Variants in ARSF observed in about 807,000 individuals in gnomAD.
ARSF encodes the protein arylsulfatase F.
Under a neutral mutation model 35.4 loss-of-function variants are expected in ARSF, and 33 were observed. The ratio of observed to expected loss-of-function variants is 0.93; its 90% CI spans 0.71 to 1.25. The LOEUF (loss-of-function observed/expected upper bound fraction) is 1.25. Among genes scored for constraint, ARSF ranks in the 50% most tolerant of loss-of-function variants. The probability of loss-of-function intolerance (pLI) is 0.00; values close to 1 mark genes in which losing one functional copy is unlikely to be tolerated. For missense variants in ARSF, 501 were observed against 480.2 expected, an observed-to-expected ratio of 1.04 and a Z score of -0.40; for synonymous variants, 222 against 193.1, an observed-to-expected ratio of 1.15 and a Z score of -1.24.
intron 6 of ARSF, 114 bp downstream of exon 6, chrX:3,084,780 A>G (rs1765958973): frequency 1.3e-6 from 1 of 752,142 alleles, no homozygotes; most frequent in African/African-American, 2.1e-5. Context: ...TACACTTCTA[A>G]ATAGCTAAAA....
intron 10 of ARSF, among the ~76,000 whole-genome samples, chrX:3,110,903 AAAAC>A (rs1397902685): frequency 8.9e-6 from 1 of 112,237 alleles, no homozygotes; most frequent in African/African-American, 3.2e-5. Flanking sequence ...ATCTCAAACA[AAAAC>A]AAAACCAAAA....
intron 1 of ARSF, chrX:3,058,309 C>T (rs1350482126): frequency 8.5e-6 from 1 of 117,496 alleles, no homozygotes; most frequent in Non-Finnish European, 1.8e-5. Flanking sequence ...AGAGTTTTGA[C>T]CTGCTGCATT....
At chrX:3,098,147 T>C (rs1569146230) in intron 7 of ARSF, among the ~76,000 whole-genome samples, 2 of 109,491 alleles carry the variant, frequency 1.8e-5, no homozygotes, top group African/African-American at 6.7e-5. Context: ...ATTTTTTTAA[T>C]TGAGACAGGG....
At chrX:3,090,211 C>G (rs749345672) in intron 7 of ARSF, among the ~76,000 whole-genome samples, 1 of 111,426 alleles carries the variant, frequency 9.0e-6, no homozygotes, top group Non-Finnish European at 1.9e-5. Context: ...CACAACGTGA[C>G]GTTAAAAGAT....
intron 2 of ARSF, among the ~76,000 whole-genome samples, chrX:3,070,552 C>T (rs1480272832): frequency 9.0e-6 from 1 of 110,921 alleles, no homozygotes; most frequent in African/African-American, 3.3e-5. Flanking sequence ...TTCAGACTTC[C>T]CTCCTGGAAG....
At chrX:3,069,163 C>T in intron 2 of ARSF, among the ~76,000 whole-genome samples, 1 of 111,663 alleles carries the variant, frequency 9.0e-6, no homozygotes, top group Non-Finnish European at 1.9e-5. Flanking sequence ...CTGAGCAAAA[C>T]TATGAAGTGG....
chrX:3,070,510 C>T (rs2090095664), intron 2 of ARSF, among the ~76,000 whole-genome samples: 1 of 111,321 alleles, frequency 9.0e-6, no homozygotes, highest in Non-Finnish European at 1.9e-5. Context: ...TCGTCTCCGT[C>T]CTCTGCAATG....
chrX:3,093,750 A>G (rs1212679663), intron 7 of ARSF, among the ~76,000 whole-genome samples: 5 of 111,631 alleles, frequency 4.5e-5, no homozygotes, highest in African/African-American at 9.8e-5. Flanking sequence ...TTGGGTAGAC[A>G]CCCAGTAATG....
At chrX:3,049,391 T>A (rs1200900820) in intron 1 of ARSF, among the ~76,000 whole-genome samples, 2 of 111,584 alleles carry the variant, frequency 1.8e-5, no homozygotes, top group African/African-American at 6.5e-5. Flanking sequence ...GTTCAGTGAA[T>A]CTGCAAGTTT....
At chrX:3,107,876 TA>T (rs1008535030) in intron 9 of ARSF, among the ~76,000 whole-genome samples, 8 of 111,613 alleles carry the variant, frequency 7.2e-5, no homozygotes, top group South Asian at 3.7e-4. Context: ...TGATAAAACT[TA>T]AAAAAAATTT....
chrX:3,089,175 G>A (rs780824846), intron 6 of ARSF, among the ~76,000 whole-genome samples: 1 of 111,951 alleles, frequency 8.9e-6, no homozygotes, highest in South Asian at 3.7e-4. Context: ...TAGATGAGAG[G>A]GCAAGCTGAC....
At chrX:3,041,145 C>T (rs2147468522), upstream of ARSF, among the ~76,000 whole-genome samples, 1 of 111,020 alleles carries the variant, frequency 9.0e-6, no homozygotes, top group South Asian at 3.8e-4. Flanking sequence ...CTTGTTCACA[C>T]TTTAAACTGC....
At chrX:3,076,885 A>AT (rs34859685) in intron 4 of ARSF, among the ~76,000 whole-genome samples, 9 of 111,381 alleles carry the variant, frequency 8.1e-5, no homozygotes, top group African/African-American at 2.9e-4. Context: ...TCTCCACAAA[A>AT]TTTTTTTAAA....
intron 1 of ARSF, chrX:3,058,724 A>G (rs1425423688): frequency 1.1e-5 from 3 of 274,309 alleles, no homozygotes; most frequent in African/African-American, 8.3e-5. Context: ...ACCCAGGTGC[A>G]GTGGTGCATG....
intron 1 of ARSF, among the ~76,000 whole-genome samples, chrX:3,063,406 G>A (rs1168495193): frequency 9.0e-6 from 1 of 111,720 alleles, no homozygotes; most frequent in African/African-American, 3.3e-5. Flanking sequence ...AGACAGGGAT[G>A]CTCTCTTTCA....
chrX:3,050,450 GC>G (rs2089992219), intron 1 of ARSF, among the ~76,000 whole-genome samples: 1 of 109,035 alleles, frequency 9.2e-6, no homozygotes, highest in African/African-American at 3.4e-5. Context: ...GGAGGCTGAG[GC>G]AGGAGAATCG....
intron 2 of ARSF, among the ~76,000 whole-genome samples, chrX:3,070,963 G>GTC (rs1476941470): frequency 6.8e-4 from 65 of 95,396 alleles, no homozygotes; most frequent in Middle Eastern, 5.3e-3. Context: ...GTGTGTGTGT[G>GTC]TGTGTGTGTA....
chrX:3,091,806 A>C (rs2090292383), intron 7 of ARSF, among the ~76,000 whole-genome samples: 1 of 61,831 alleles, frequency 1.6e-5, no homozygotes, highest in South Asian at 1.4e-3. Flanking sequence ...TGATAGATGG[A>C]TAGATAGATG....
In ARSF at chrX:3,094,955, A is replaced by C. The variant is rs1204328126; in HGVS notation, c.967+5323A>C. 3.7e-5 allele frequency among the ~76,000 whole-genome samples: 4 copies of C among 108,898 alleles called. No homozygotes were observed. The East Asian group carries it at 1.1e-3, about 30-fold the overall frequency. The allele number at this position is 108,898 out of a possible 115,157, so 94.6% of individuals were successfully genotyped here. The stretch of plus-strand genomic sequence containing the variant: ...ATGAATATATATTATGTATTTCTGT[A>C]GCATATAATTTCTATATTTATTTAT... On this transcript the variant is annotated intron_variant, in intron 7 of 10. Transcript: ENST00000381127.
Sources: allele counts gnomAD v4.1 joint callset (sites outside exome capture counted in the v4.1 genomes callset), GRCh38; gene constraint gnomAD v4.1.1; transcripts MANE v1.5; gene names NCBI Gene and HGNC (gene_info 2026-07-23, HGNC 2026-07-21).